The following TMEM117 variants were observed in gnomAD, a reference collection of about 807,000 sequenced individuals.
TMEM117 encodes transmembrane protein 117.
In TMEM117, 27 loss-of-function variants were observed where a neutral mutation model predicts 52.4. The ratio of observed to expected loss-of-function variants is 0.51; its 90% confidence interval spans 0.38 to 0.71. TMEM117 has a LOEUF of 0.71. Ranked by LOEUF, TMEM117 falls within the 30% of genes least tolerant of loss-of-function variation. The probability of loss-of-function intolerance (pLI) is 0.00; values close to 1 mark genes in which losing one functional copy is unlikely to be tolerated. For missense variants in TMEM117, 556 were observed against 630.5 expected (o/e 0.88, Z 1.26); for synonymous variants, 215 against 206.3 (o/e 1.04, Z -0.36).
intron 5 of TMEM117, among the ~76,000 whole-genome samples, chr12:44,247,172 C>T (rs1230916176): frequency 6.6e-6 from 1 of 152,206 alleles, no homozygotes; most frequent in African/African-American, 2.4e-5. Flanking sequence ...CTTCAAATTA[C>T]AGTTCACTTG....
chr12:44,282,353 G>A (rs537572614), intron 5 of TMEM117, among the ~76,000 whole-genome samples: 1 of 152,280 alleles, frequency 6.6e-6, no homozygotes, highest in East Asian at 1.9e-4. Flanking sequence ...AGTTTGGAGG[G>A]CCCAGGAGAA....
chr12:43,880,257 G>A (rs1943873257), intron 2 of TMEM117, among the ~76,000 whole-genome samples: 1 of 152,000 alleles, frequency 6.6e-6, no homozygotes, highest in Non-Finnish European at 1.5e-5. Context: ...TTATCAGGGT[G>A]GCTTTTGCTT....
intron 7 of TMEM117, among the ~76,000 whole-genome samples, chr12:44,383,220 A>G (rs1952044108): frequency 6.6e-6 from 1 of 152,174 alleles, no homozygotes; most frequent in African/African-American, 2.4e-5. Context: ...AGAGTAAAAG[A>G]TTAAAAATAT....
At chr12:44,110,272 C>T (rs1948036067) in intron 3 of TMEM117, among the ~76,000 whole-genome samples, 1 of 150,072 alleles carries the variant, frequency 6.7e-6, no homozygotes, top group South Asian at 2.1e-4. Context: ...GAGGGCATCC[C>T]TGTCTTGTGC....
intron 6 of TMEM117, among the ~76,000 whole-genome samples, chr12:44,373,536 T>G (rs1168712588): frequency 2.6e-5 from 4 of 152,190 alleles, no homozygotes; most frequent in Non-Finnish European, 4.4e-5. Flanking sequence ...GACCTTGAAA[T>G]TATGCCAGGA....
At chr12:44,215,790 T>C (rs1263554418) in intron 5 of TMEM117, among the ~76,000 whole-genome samples, 1 of 151,770 alleles carries the variant, frequency 6.6e-6, no homozygotes, top group African/African-American at 2.4e-5. Flanking sequence ...GAAGAAGGGA[T>C]TGGGAGATCT....
chr12:44,388,061 T>C lies in TMEM117; in HGVS notation c.934T>C (p.Leu312=), dbSNP rs1360488578. The change falls in exon 8 of 8, where the codon TTG becomes CTG. Residue 312 remains leucine, a synonymous_variant. Transcript: ENST00000266534. The part of the protein sequence containing the change: ...WFNYGIIFLV[L]ILDLNMWKNQ... Reference sequence around the variant, plus strand: ...TAACTATGGAATTATCTTCCTCGTCTTGATTTTGGATCTTAATATGTGGAA... The same window carrying C: ...TAACTATGGAATTATCTTCCTCGTCCTGATTTTGGATCTTAATATGTGGAA... 2 of 1,612,028 alleles carry C rather than the reference T, an allele frequency of 1.2e-6. No homozygotes were observed. Among genetic ancestry groups the C allele is most frequent in the East Asian group, 2.2e-5 (1 of 44,774 alleles).
chr12:43,890,121 GTAT>G (rs1944076073), intron 2 of TMEM117, among the ~76,000 whole-genome samples: 1 of 152,174 alleles, frequency 6.6e-6, no homozygotes, highest in East Asian at 1.9e-4. Flanking sequence ...GTGCCACCCA[GTAT>G]TCATGACATG....
chr12:44,149,959 A>T (rs1948697742), intron 4 of TMEM117, among the ~76,000 whole-genome samples: 1 of 152,206 alleles, frequency 6.6e-6, no homozygotes, highest in African/African-American at 2.4e-5. Flanking sequence ...ACACATGTAT[A>T]TGAGAAATGG....
At chr12:44,336,608 A>G (rs1951343957) in intron 6 of TMEM117, among the ~76,000 whole-genome samples, 2 of 151,966 alleles carry the variant, frequency 1.3e-5, no homozygotes, top group Admixed American at 1.3e-4. Flanking sequence ...CCAGAAACAA[A>G]TAATTCCTGG....
At chr12:43,928,361 CT>C in intron 2 of TMEM117, among the ~76,000 whole-genome samples, 1 of 151,866 alleles carries the variant, frequency 6.6e-6, no homozygotes, top group East Asian at 1.9e-4. Context: ...TTCTTTTTGC[CT>C]CAGATATGTC....
At chr12:44,237,675 C>T (rs1950014275) in intron 5 of TMEM117, among the ~76,000 whole-genome samples, 2 of 151,976 alleles carry the variant, frequency 1.3e-5, no homozygotes, top group South Asian at 4.1e-4. Context: ...CGAGATCCCA[C>T]CACCGCACTC....
chr12:43,958,898 C>T (rs1021253409), intron 3 of TMEM117, among the ~76,000 whole-genome samples: 1 of 152,090 alleles, frequency 6.6e-6, no homozygotes, highest in Non-Finnish European at 1.5e-5. Flanking sequence ...GCTCCGCCTC[C>T]CGGGTTCACG....
Position 44,379,195 on chromosome 12 carries a change from G to A in TMEM117, c.898+2471G>A, listed in dbSNP as rs547534723. On this transcript the variant is annotated intron_variant, in intron 7 of 7. Coordinates refer to ENST00000266534, the MANE Select transcript of TMEM117 (RefSeq NM_032256.3). Reference sequence around the variant, plus strand: ...GGAGGGAAGGAAGGAAGAAAGGAAGGAAGGAAGGAAGGAAGTTTGGCATGA... The same window carrying A: ...GGAGGGAAGGAAGGAAGAAAGGAAGAAAGGAAGGAAGGAAGTTTGGCATGA... Among the ~76,000 whole-genome samples, 389 of 151,652 alleles carry A rather than the reference G, an allele frequency of 2.6e-3. 1 individual carries two copies. Among genetic ancestry groups the A allele is most frequent in the African/African-American group, 9.0e-3 (372 of 41,410 alleles).
At chr12:43,983,167 G>T (rs2137726481) in intron 3 of TMEM117, among the ~76,000 whole-genome samples, 1 of 152,234 alleles carries the variant, frequency 6.6e-6, no homozygotes, top group East Asian at 1.9e-4. Context: ...TCACACGTTT[G>T]GTGGTTCTGG....
chr12:44,356,667 C>G (rs1951653345), intron 6 of TMEM117, among the ~76,000 whole-genome samples: 1 of 152,070 alleles, frequency 6.6e-6, no homozygotes, highest in South Asian at 2.1e-4. Flanking sequence ...CCTTTAGTCT[C>G]TCAAGTAAGG....
chr12:44,325,583 A>T (rs190744389), intron 6 of TMEM117, among the ~76,000 whole-genome samples: 1 of 151,302 alleles, frequency 6.6e-6, no homozygotes, highest in African/African-American at 2.4e-5. Flanking sequence ...TTATCTTAGG[A>T]TGGTTAATAT....
chr12:43,885,437 C>G (rs1332789210), intron 2 of TMEM117, among the ~76,000 whole-genome samples: 1 of 114,036 alleles, frequency 8.8e-6, no homozygotes, highest in Non-Finnish European at 1.9e-5. Flanking sequence ...TTTTGATATC[C>G]AGATACAGTT....
At position 44,389,186 on chromosome 12, in the gene TMEM117, G is replaced by A. The variant is rs569120750; in HGVS notation, c.*514G>A. 19 of 156,168 alleles carry A rather than the reference G, an allele frequency of 1.2e-4. No homozygotes were observed. The highest frequency in any genetic ancestry group is 7.4e-4 in the Admixed American group (12 of 16,168). 9.7% of individuals were successfully genotyped at this position (156,168 alleles called of 1,614,324 possible). ...AGTTGGTGACTTTGACAACTGGACTGCAGAGAAACATGGTGATCACCTTTT... is the reference window on the plus strand; with the variant it reads ...AGTTGGTGACTTTGACAACTGGACTACAGAGAAACATGGTGATCACCTTTT... On this transcript the variant is annotated 3_prime_UTR_variant, in exon 8 of 8. Transcript: ENST00000266534.
Sources: allele counts gnomAD v4.1 joint callset (sites outside exome capture counted in the v4.1 genomes callset), GRCh38; gene constraint gnomAD v4.1.1; transcripts MANE v1.5; gene names NCBI Gene and HGNC (gene_info 2026-07-23, HGNC 2026-07-21).